The following MYLK variants were observed in gnomAD, a reference collection of about 807,000 sequenced individuals.
The protein encoded by MYLK is myosin light chain kinase, smooth muscle.
In MYLK, 106 loss-of-function variants were observed where a neutral mutation model predicts 203.4. The observed-to-expected ratio is 0.52, with a 90% CI of 0.45 to 0.61. The LOEUF (loss-of-function observed/expected upper bound fraction) is 0.61, where lower values mean the gene tolerates loss of function less well. Ranked by LOEUF, MYLK falls within the 20% of genes least tolerant of loss-of-function variation. MYLK has a pLI of 0.00. For synonymous variants in MYLK, 867 were observed against 959.5 expected, an observed-to-expected ratio of 0.90 and a Z score of 1.78; for missense variants, 2,072 against 2,442.3, an observed-to-expected ratio of 0.85 and a Z score of 3.20.
intron 4 of MYLK, among the ~76,000 whole-genome samples, chr3:123,760,906 T>C (rs546433332): frequency 2.2e-4 from 33 of 152,370 alleles, no homozygotes; most frequent in African/African-American, 7.5e-4. Flanking sequence ...TCTGCAGTTT[T>C]ACTGTGCCAT....
intron 20 of MYLK, among the ~76,000 whole-genome samples, chr3:123,669,842 C>G (rs936047065): frequency 1.3e-5 from 2 of 151,846 alleles, no homozygotes; most frequent in African/African-American, 2.4e-5. Flanking sequence ...TGAGACCAGC[C>G]TGACCAACAT....
intron 20 of MYLK, among the ~76,000 whole-genome samples, chr3:123,673,658 T>A (rs897095259): frequency 6.6e-6 from 1 of 152,190 alleles, no homozygotes; most frequent in African/African-American, 2.4e-5. Context: ...AAACTCACAG[T>A]ACTCCCTGGC....
chr3:123,853,837 A>C (rs994280392), intron 2 of MYLK, among the ~76,000 whole-genome samples: 6 of 152,048 alleles, frequency 3.9e-5, no homozygotes, highest in African/African-American at 1.4e-4. Context: ...AACACCCATA[A>C]ATTATTTTAC....
chr3:123,666,479 G>C, intron 21 of MYLK, 133 bp from the exon 22 acceptor site: 1 of 1,242,406 alleles, frequency 8.0e-7, no homozygotes, highest in Non-Finnish European at 1.1e-6. Context: ...AGACTGAGGG[G>C]CAGTGATCCT....
At chr3:123,739,902 C>A in intron 6 of MYLK, 51 bp downstream of exon 6, 1 of 1,585,512 alleles carries the variant, frequency 6.3e-7, no homozygotes, top group South Asian at 1.1e-5. Context: ...CTGCTCAAGT[C>A]AGCAGGAAAG....
chr3:123,815,048 C>T (rs2065701952), intron 3 of MYLK, among the ~76,000 whole-genome samples: 1 of 152,222 alleles, frequency 6.6e-6, no homozygotes, highest in South Asian at 2.1e-4. Context: ...CCACCTTGGC[C>T]TCCCAAAGCA....
chr3:123,708,957 T>C (rs1448406735), intron 14 of MYLK, 62 bp from the exon 15 acceptor site: 7 of 1,434,734 alleles, frequency 4.9e-6, no homozygotes, highest in African/African-American at 1.4e-5. Context: ...ATGCAGCAAC[T>C]CTGCGCTGAA....
chr3:123,734,096 G>A lies in MYLK; in HGVS notation c.900C>T (p.Pro300=), dbSNP rs766409103. 4.3e-6 allele frequency: 7 copies of A among 1,610,374 alleles called. No homozygotes were observed. The highest frequency in any genetic ancestry group is 3.3e-5 in the Admixed American group (2 of 59,894). ...CCCAGGGTGGGGAGCCACCTCTCTG[G>A]GGGCTGGAGCAGTTCTTGCTTTTGG... is the stretch of plus-strand genomic sequence containing the variant. ...AAAKSKNCSS[P]QRGGSPPWAA... is the part of the protein sequence containing the mutation. The change falls in exon 10 of 34, where the codon CCC becomes CCT. Residue 300 remains proline (P), a synonymous_variant. Coordinates refer to ENST00000360304, the MANE Select transcript of MYLK (RefSeq NM_053025.4).
chr3:123,677,051 G>T (rs1031810280), intron 20 of MYLK, among the ~76,000 whole-genome samples: 3 of 151,764 alleles, frequency 2.0e-5, no homozygotes, highest in Admixed American at 2.0e-4. Context: ...TGGCCATTTG[G>T]GCCCCCTCCA....
intron 24 of MYLK, among the ~76,000 whole-genome samples, chr3:123,656,708 C>T (rs2059398536): frequency 6.6e-6 from 1 of 152,116 alleles, no homozygotes; most frequent in Non-Finnish European, 1.5e-5. Flanking sequence ...TTATAGTTAG[C>T]CATACACACC....
At chr3:123,720,666 G>T (rs927685300) in intron 13 of MYLK, among the ~76,000 whole-genome samples, 1 of 152,242 alleles carries the variant, frequency 6.6e-6, no homozygotes, top group Non-Finnish European at 1.5e-5. Flanking sequence ...AAATGAGTAA[G>T]TTTGTAAACC....
At chr3:123,795,444 G>A (rs1389551980) in intron 3 of MYLK, among the ~76,000 whole-genome samples, 6 of 152,202 alleles carry the variant, frequency 3.9e-5, no homozygotes, top group East Asian at 1.9e-4. Context: ...GTACATATCT[G>A]AGTTCTTGAT....
intron 3 of MYLK, among the ~76,000 whole-genome samples, chr3:123,812,433 A>G (rs973291251): frequency 7.9e-5 from 12 of 152,176 alleles, no homozygotes; most frequent in African/African-American, 2.9e-4. Context: ...ATGCTTGCTC[A>G]GGTGTCCTCT....
intron 3 of MYLK, chr3:123,799,828 C>T (rs2065129795): frequency 6.6e-6 from 1 of 152,398 alleles, no homozygotes; most frequent in Non-Finnish European, 1.5e-5. Context: ...GTGAACGGGA[C>T]ACACCTTACC....
In MYLK at chr3:123,629,351, A is replaced by C. The variant is rs2058311584; in HGVS notation, c.5114+123T>G. The C allele has an allele frequency of 6.7e-6, 8 of 1,200,730 alleles. No homozygotes were observed. The highest frequency in any genetic ancestry group is 2.5e-5 in the East Asian group (1 of 40,236). 74.4% of individuals were successfully genotyped at this position (1,200,730 alleles called of 1,614,324 possible). On this transcript the variant is annotated intron_variant, in intron 30 of 33. Coordinates refer to ENST00000360304, the MANE Select transcript of MYLK (RefSeq NM_053025.4). This position sits in a 1 kb window ranked among gnomAD's most constrained non-coding sequence, Gnocchi z 4.4. ...ATGCCCACCCTCCCTTCCTCAGGGA[A>C]TGCTAGGAACGACCCAAGGCGGGGT...
intron 12 of MYLK, among the ~76,000 whole-genome samples, chr3:123,724,632 C>G (rs1436012471): frequency 1.3e-5 from 2 of 152,176 alleles, no homozygotes; most frequent in African/African-American, 4.8e-5. Context: ...CCTGAGCAAA[C>G]TACACCAACA....
At chr3:123,650,720 C>G (rs1414544622) in intron 24 of MYLK, among the ~76,000 whole-genome samples, 1 of 152,116 alleles carries the variant, frequency 6.6e-6, no homozygotes, top group East Asian at 1.9e-4. Context: ...GTCAATATTC[C>G]TAAATCCACA....
At chr3:123,734,301 T>A in intron 9 of MYLK, 79 bp from the exon 10 acceptor site, 1 of 1,354,480 alleles carries the variant, frequency 7.4e-7, no homozygotes, top group Non-Finnish European at 9.9e-7. Flanking sequence ...TCACAAATAT[T>A]ACTCATCACA....
At chr3:123,856,536 AAT>A (rs770815021) in intron 2 of MYLK, among the ~76,000 whole-genome samples, 14 of 152,244 alleles carry the variant, frequency 9.2e-5, no homozygotes, top group Non-Finnish European at 1.9e-4. Context: ...GCCTTTATTT[AAT>A]GGGGACCTTC....
Sources: gnomAD v4.1 joint callset for allele counts (sites outside exome capture counted in the v4.1 genomes callset) on GRCh38, gnomAD v4.1.1 for gene constraint, Gnocchi (gnomAD v3.1) non-coding constraint, MANE v1.5 for transcripts, NCBI Gene and HGNC (gene_info 2026-07-23, HGNC 2026-07-21) for gene names.